Variants in ATP2C2 observed in about 807,000 individuals in gnomAD.
ATP2C2 encodes the protein calcium-transporting ATPase type 2C member 2.
ATP2C2 carries 171 observed loss-of-function variants against 110.8 expected under a neutral mutation model. That is an observed-to-expected ratio of 1.54 (90% CI 1.36 to 1.75). ATP2C2 has a LOEUF of 1.75. ATP2C2 is among the 40% of genes most tolerant of loss of function. ATP2C2 has a pLI of 0.00. For missense variants in ATP2C2, 1,963 were observed against 1,235.0 expected (o/e 1.59, Z -8.84); for synonymous variants, 804 against 508.4 (o/e 1.58, Z -7.82).
intron 17 of ATP2C2, among the ~76,000 whole-genome samples, chr16:84,451,654 A>G (rs1270255609): frequency 6.6e-6 from 1 of 152,172 alleles, no homozygotes; most frequent in Admixed American, 6.5e-5. Flanking sequence ...CCTGGCCAAC[A>G]TGGTGAAATC....
chr16:84,403,094 T>C (rs1016225027), intron 2 of ATP2C2, among the ~76,000 whole-genome samples: 1 of 152,236 alleles, frequency 6.6e-6, no homozygotes. Flanking sequence ...TAGCCACTAA[T>C]GGCCCTTTGA....
intron 1 of ATP2C2, among the ~76,000 whole-genome samples, chr16:84,375,777 G>C (rs1298976171): frequency 6.6e-6 from 1 of 152,120 alleles, no homozygotes; most frequent in African/African-American, 2.4e-5. Context: ...TTTTATCTTG[G>C]GATGACAAAT....
In ATP2C2 at chr16:84,415,485, TAA is replaced by T. The variant is rs1057262659; in HGVS notation, c.519_520del (p.Glu175ArgfsTer15). Reference sequence around the variant, plus strand: ...GCTTTTTACCATGTCAAATGCAGCCTAAGAGAAGGAAAACTCCAGCACCTGCT... The same window carrying T: ...GCTTTTTACCATGTCAAATGCAGCCTGAGAAGGAAAACTCCAGCACCTGCT... On this transcript the variant is annotated frameshift_variant, in exon 7 of 27. Coordinates refer to ENST00000262429, the MANE Select transcript of ATP2C2 (RefSeq NM_014861.4). LOFTEE classifies it high-confidence loss of function. The T allele has an allele frequency of 1.2e-6, 2 of 1,614,128 alleles. No individual in the cohort carries two copies. The highest frequency in any genetic ancestry group is 1.7e-6 in the Non-Finnish European group (2 of 1,179,982).
intron 21 of ATP2C2, 32 bp downstream of exon 21, chr16:84,455,016 C>G: frequency 6.3e-7 from 1 of 1,599,878 alleles, no homozygotes; most frequent in Non-Finnish European, 8.5e-7. Flanking sequence ...TTTTCAGTTG[C>G]AAAAATGCCT....
intron 1 of ATP2C2, among the ~76,000 whole-genome samples, chr16:84,394,689 A>G (rs961099435): frequency 7.9e-5 from 12 of 152,076 alleles, no homozygotes; most frequent in African/African-American, 2.9e-4. Flanking sequence ...AGCTTCCATC[A>G]TGGCCAGCAA....
At chr16:84,435,286 C>A (rs928998549) in intron 11 of ATP2C2, among the ~76,000 whole-genome samples, 1 of 152,160 alleles carries the variant, frequency 6.6e-6, no homozygotes, top group South Asian at 2.1e-4. Flanking sequence ...AGTGTTTATT[C>A]TTTTCTGAGC....
chr16:84,439,392 A>T (rs770622432), intron 12 of ATP2C2, 35 bp from the exon 13 acceptor site: 23 of 1,575,130 alleles, frequency 1.5e-5, no homozygotes, highest in Middle Eastern at 3.4e-4. Flanking sequence ...GAGGATGGCA[A>T]CTTCTCTTCT....
At chr16:84,453,402 C>A in intron 20 of ATP2C2, 31 bp downstream of exon 20, 1 of 1,613,266 alleles carries the variant, frequency 6.2e-7, no homozygotes, top group African/African-American at 1.3e-5. Context: ...ACAGGCTGCG[C>A]TGCTGGGGCC....
At chr16:84,427,482 C>G (rs1427996018) in intron 11 of ATP2C2, among the ~76,000 whole-genome samples, 2 of 152,098 alleles carry the variant, frequency 1.3e-5, no homozygotes, top group African/African-American at 2.4e-5. Flanking sequence ...CTTTGGGAGG[C>G]CAAGGCAGAC....
chr16:84,396,985 A>T (rs1339543067), intron 1 of ATP2C2, among the ~76,000 whole-genome samples: 1 of 151,826 alleles, frequency 6.6e-6, no homozygotes, highest in African/African-American at 2.4e-5. Flanking sequence ...AAGAAGGAAG[A>T]GTGGGATTTG....
intron 18 of ATP2C2, among the ~76,000 whole-genome samples, 186 bp from the exon 19 acceptor site, chr16:84,452,951 GA>G (rs1482353400): frequency 6.6e-6 from 1 of 152,174 alleles, no homozygotes; most frequent in African/African-American, 2.4e-5. Flanking sequence ...TTAAAGTGGG[GA>G]TAATGAGGCG....
chr16:84,415,437 C>A (rs1375635678), intron 6 of ATP2C2, 46 bp from the exon 7 acceptor site: 2 of 1,526,878 alleles, frequency 1.3e-6, no homozygotes, highest in Non-Finnish European at 1.8e-6. Flanking sequence ...TGCATAAAAA[C>A]AAATGTCAGC....
intron 17 of ATP2C2, among the ~76,000 whole-genome samples, chr16:84,450,853 C>T (rs1422667543): frequency 6.6e-6 from 1 of 152,068 alleles, no homozygotes; most frequent in South Asian, 2.1e-4. Context: ...CCCAAGACTG[C>T]TGGAGATGAC....
At chr16:84,396,096 C>G (rs1904955812) in intron 1 of ATP2C2, among the ~76,000 whole-genome samples, 2 of 152,076 alleles carry the variant, frequency 1.3e-5, no homozygotes, top group African/African-American at 4.8e-5. Context: ...GCTTATTTCA[C>G]CAGGCATAAC....
At chr16:84,381,648 T>C (rs1910584378) in intron 1 of ATP2C2, among the ~76,000 whole-genome samples, 1 of 152,194 alleles carries the variant, frequency 6.6e-6, no homozygotes, top group Non-Finnish European at 1.5e-5. Context: ...AGATTCATGC[T>C]GGGCACACTA....
chr16:84,446,680 T>G (rs1909781451), intron 16 of ATP2C2, among the ~76,000 whole-genome samples: 1 of 152,206 alleles, frequency 6.6e-6, no homozygotes. Context: ...CGCGAGACTT[T>G]ATTAGAAATG....
chr16:84,396,549 CAAAAAAAAAAA>C (rs57290176), intron 1 of ATP2C2, among the ~76,000 whole-genome samples: 8,825 of 75,178 alleles, frequency 0.12, 736 homozygotes, highest in African/African-American at 0.28. Context: ...GGCTCTATCT[CAAAAAAAAAAA>C]AAAAAAAAAA....
intron 1 of ATP2C2, among the ~76,000 whole-genome samples, chr16:84,385,192 G>A (rs570143004): frequency 6.2e-4 from 94 of 152,320 alleles, no homozygotes; most frequent in African/African-American, 2.0e-3. Flanking sequence ...TCCAATCATG[G>A]TGGAAGGCAA....
Position 84,446,056 on chromosome 16 carries a change from C to T in ATP2C2, c.1402-273C>T, listed in dbSNP as rs192812737. On this transcript the variant is annotated intron_variant, in intron 15 of 26. Coordinates refer to ENST00000262429, the MANE Select transcript of ATP2C2 (RefSeq NM_014861.4). ...ACCTTCAAGTCTGAAACATTCCTCC[C>T]GGCAGAAACACTGCAGGTTTGTTTC... Among the ~76,000 whole-genome samples the T allele has an allele frequency of 3.3e-5, 5 of 152,286 alleles. 1 individual carries two copies. The highest frequency in any genetic ancestry group is 4.1e-4 in the South Asian group (2 of 4,826).
Sources: gnomAD v4.1 joint callset for allele counts (sites outside exome capture counted in the v4.1 genomes callset) on GRCh38, gnomAD v4.1.1 for gene constraint, MANE v1.5 for transcripts, NCBI Gene and HGNC (gene_info 2026-07-23, HGNC 2026-07-21) for gene names.